Variants in EML4 observed in about 807,000 individuals in gnomAD.
EML4 encodes EMAP like 4, also known as echinoderm microtubule-associated protein-like 4.
A neutral mutation model predicts 129.0 loss-of-function variants in EML4; 72 were observed. The ratio of observed to expected loss-of-function variants is 0.56; its 90% CI spans 0.46 to 0.68. EML4 has a LOEUF of 0.68. Ranked by LOEUF, EML4 falls within the 30% of genes least tolerant of loss-of-function variation. The pLI is 0.00. For synonymous variants in EML4, 532 were observed against 405.0 expected (o/e 1.31, Z -3.77); for missense variants, 1,363 against 1,190.6 (o/e 1.14, Z -2.13).
At chr2:42,263,867 C>G (rs1368748756) in intron 5 of EML4, among the ~76,000 whole-genome samples, 1 of 151,912 alleles carries the variant, frequency 6.6e-6, no homozygotes, top group East Asian at 1.9e-4. Context: ...GTAGCTGGGA[C>G]TAGAGGTGTG....
intron 1 of EML4, among the ~76,000 whole-genome samples, chr2:42,172,319 C>T (rs1203100130): frequency 6.6e-6 from 1 of 152,044 alleles, no homozygotes; most frequent in East Asian, 1.9e-4. Flanking sequence ...TCAAACTGTA[C>T]CCTTGATTGT....
At chr2:42,171,349 A>C (rs1444182955) in intron 1 of EML4, among the ~76,000 whole-genome samples, 1 of 152,192 alleles carries the variant, frequency 6.6e-6, no homozygotes, top group Non-Finnish European at 1.5e-5. Flanking sequence ...AGATCACTTT[A>C]ACTTCTTTCG....
At chr2:42,293,933 G>A (rs1667801495) in intron 11 of EML4, among the ~76,000 whole-genome samples, 1 of 152,202 alleles carries the variant, frequency 6.6e-6, no homozygotes, top group Admixed American at 6.5e-5. Flanking sequence ...AAAAGGAAAT[G>A]CTTCCGTACA....
At chr2:42,292,305 A>C (rs534074958) in intron 11 of EML4, among the ~76,000 whole-genome samples, 1 of 152,230 alleles carries the variant, frequency 6.6e-6, no homozygotes, top group African/African-American at 2.4e-5. Flanking sequence ...AGAAATATAT[A>C]CATGTGTTTG....
chr2:42,223,497 T>C (rs1439230), intron 1 of EML4, among the ~76,000 whole-genome samples: 1 of 152,024 alleles, frequency 6.6e-6, no homozygotes, highest in South Asian at 2.1e-4. Context: ...GTTTTGTTTG[T>C]TTTCTGTTTT....
intron 11 of EML4, among the ~76,000 whole-genome samples, chr2:42,290,349 T>C (rs1667566809): frequency 6.6e-6 from 1 of 152,080 alleles, no homozygotes; most frequent in Admixed American, 6.6e-5. Flanking sequence ...TTTATGTAAA[T>C]TTAAAATTCA....
chr2:42,264,219 A>C (rs1284578477), intron 5 of EML4, among the ~76,000 whole-genome samples: 2 of 142,312 alleles, frequency 1.4e-5, no homozygotes, highest in Non-Finnish European at 3.0e-5. Flanking sequence ...GGCTCAGGTG[A>C]TTCTCCTACC....
chr2:42,189,117 T>C (rs1490872190), intron 1 of EML4, among the ~76,000 whole-genome samples: 2 of 152,098 alleles, frequency 1.3e-5, no homozygotes, highest in Non-Finnish European at 2.9e-5. Context: ...TCCTCCCTAC[T>C]CGGCCTCCCA....
intron 1 of EML4, among the ~76,000 whole-genome samples, chr2:42,188,789 G>T (rs1671416337): frequency 6.6e-6 from 1 of 152,114 alleles, no homozygotes; most frequent in Admixed American, 6.5e-5. Flanking sequence ...GCTTCCCATA[G>T]GGCTGGGATT....
intron 16 of EML4, 116 bp from the exon 17 acceptor site, chr2:42,304,368 A>G: frequency 1.4e-6 from 1 of 738,532 alleles, no homozygotes; most frequent in East Asian, 2.5e-5. Context: ...ATTAGCTACA[A>G]AGTTGATTGA....
chr2:42,282,619 C>G (rs941165113), intron 7 of EML4, among the ~76,000 whole-genome samples: 1 of 152,106 alleles, frequency 6.6e-6, no homozygotes, highest in African/African-American at 2.4e-5. Context: ...TCTCAAACTC[C>G]TGGACTGAAG....
At chr2:42,316,435 A>G (rs1669248280) in intron 18 of EML4, among the ~76,000 whole-genome samples, 1 of 152,274 alleles carries the variant, frequency 6.6e-6, no homozygotes, top group Non-Finnish European at 1.5e-5. Context: ...GCGAAATTCA[A>G]AATACGCAAA....
chr2:42,250,276 C>T (rs765931962), intron 2 of EML4, among the ~76,000 whole-genome samples: 9 of 152,034 alleles, frequency 5.9e-5, no homozygotes, highest in African/African-American at 1.9e-4. Flanking sequence ...GTCAGTTCTC[C>T]AAAAGAAACA....
intron 6 of EML4, among the ~76,000 whole-genome samples, chr2:42,278,389 C>T (rs1014969151): frequency 3.3e-5 from 5 of 151,876 alleles, no homozygotes; most frequent in African/African-American, 9.7e-5. Flanking sequence ...ATCTGGCCAA[C>T]GTGGTGAAAC....
chr2:42,197,598 A>G (rs1185188232), intron 1 of EML4, among the ~76,000 whole-genome samples: 4 of 152,224 alleles, frequency 2.6e-5, no homozygotes, highest in Non-Finnish European at 5.9e-5. Flanking sequence ...TAAACTCAAC[A>G]TAAATTGTGA....
chr2:42,209,916 C>T (rs558878928), intron 1 of EML4, among the ~76,000 whole-genome samples: 42 of 151,610 alleles, frequency 2.8e-4, no homozygotes, highest in African/African-American at 9.2e-4. Flanking sequence ...GCAACAAGGG[C>T]AAAACTCAGT....
At chr2:42,264,625 T>G (rs1365204588) in intron 5 of EML4, 81 bp from the exon 6 acceptor site, 1 of 814,232 alleles carries the variant, frequency 1.2e-6, no homozygotes, top group Non-Finnish European at 2.0e-6. Flanking sequence ...GCATTAAAAC[T>G]TTTACAGTTT....
At chr2:42,196,884 G>A (rs560847282) in intron 1 of EML4, among the ~76,000 whole-genome samples, 3 of 152,170 alleles carry the variant, frequency 2.0e-5, no homozygotes, top group Non-Finnish European at 4.4e-5. Flanking sequence ...CTGTGGGAAA[G>A]AGAAGGGAAG....
Position 42,329,902 on chromosome 2 carries a change from C to A in EML4, c.2641C>A (p.Leu881Ile). 3.7e-6 allele frequency: 6 copies of A among 1,614,080 alleles called. No homozygotes were observed. Among genetic ancestry groups the A allele is most frequent in the South Asian group, 1.1e-5 (1 of 91,070 alleles). ...GAATGAGACTGTAGCGGATACTACT[C>A]TAACCAAAGCCCCCGTCTCTTCCAC... is the stretch of plus-strand genomic sequence containing the variant. ...PQNETVADTT[L>I]TKAPVSSTES... Residue 881 changes from leucine to isoleucine, a missense_variant, in exon 23 of 23, where the codon CTA becomes ATA. By Grantham distance (5) the Leu-to-Ile change is conservative. Transcript: ENST00000318522.
Sources: gnomAD v4.1 joint callset for allele counts (sites outside exome capture counted in the v4.1 genomes callset) on GRCh38, gnomAD v4.1.1 for gene constraint, MANE v1.5 for transcripts, NCBI Gene and HGNC (gene_info 2026-07-23, HGNC 2026-07-21) for gene names.